Variants in RIT2 observed in about 807,000 individuals in gnomAD.
RIT2 encodes the protein Ras like without CAAX 2.
In RIT2, 24 loss-of-function variants were observed where a neutral mutation model predicts 23.7. The observed-to-expected ratio is 1.01, with a 90% CI of 0.73 to 1.43. The LOEUF is 1.43. RIT2 is among the 40% of genes most tolerant of loss of function. The pLI is 0.00. For missense variants in RIT2, 236 were observed against 266.9 expected, an observed-to-expected ratio of 0.88 and a Z score of 0.81; for synonymous variants, 107 against 91.1, an observed-to-expected ratio of 1.17 and a Z score of -0.99.
chr18:43,077,134 C>G (rs1341697549), intron 1 of RIT2, among the ~76,000 whole-genome samples: 1 of 140,826 alleles, frequency 7.1e-6, no homozygotes, highest in East Asian at 2.4e-4. Flanking sequence ...GGCTCAAACA[C>G]AAGCCTCAGT....
intron 4 of RIT2, among the ~76,000 whole-genome samples, chr18:42,757,279 T>C (rs1913185937): frequency 6.6e-6 from 1 of 152,196 alleles, no homozygotes; most frequent in Admixed American, 6.5e-5. Flanking sequence ...ATTACATATG[T>C]TGTCAGGTTA....
chr18:42,748,584 A>G (rs1212321861), intron 4 of RIT2, among the ~76,000 whole-genome samples: 3 of 152,136 alleles, frequency 2.0e-5, no homozygotes, highest in Non-Finnish European at 4.4e-5. Context: ...CAATGTCACT[A>G]CTGGGTATCT....
chr18:43,111,287 C>T (rs1913946889), intron 1 of RIT2, among the ~76,000 whole-genome samples: 1 of 151,906 alleles, frequency 6.6e-6, no homozygotes, highest in Admixed American at 6.6e-5. Flanking sequence ...ATGATGGCTA[C>T]CAGAGGCTGG....
chr18:42,909,039 C>T (rs763800078), intron 4 of RIT2, among the ~76,000 whole-genome samples: 1 of 152,098 alleles, frequency 6.6e-6, no homozygotes, highest in Non-Finnish European at 1.5e-5. Flanking sequence ...GTTTATAGCA[C>T]CACAATTCAC....
chr18:42,850,861 A>G (rs1482362373), intron 4 of RIT2, among the ~76,000 whole-genome samples: 1 of 152,114 alleles, frequency 6.6e-6, no homozygotes, highest in Non-Finnish European at 1.5e-5. Context: ...CATCTCTGAA[A>G]TTACTGTCAC....
At chr18:42,942,156 C>T (rs1909619478) in intron 3 of RIT2, among the ~76,000 whole-genome samples, 2 of 151,816 alleles carry the variant, frequency 1.3e-5, no homozygotes, top group Admixed American at 1.3e-4. Context: ...TGCCCTTTGC[C>T]TTTTCAAAGT....
At chr18:42,907,300 A>G (rs1267181984) in intron 4 of RIT2, among the ~76,000 whole-genome samples, 1 of 152,186 alleles carries the variant, frequency 6.6e-6, no homozygotes, top group East Asian at 1.9e-4. Flanking sequence ...AGCAAAAGGC[A>G]TAATATGGCG....
At chr18:42,825,034 T>C (rs1233498705) in intron 4 of RIT2, among the ~76,000 whole-genome samples, 4 of 151,998 alleles carry the variant, frequency 2.6e-5, no homozygotes, top group African/African-American at 7.2e-5. Flanking sequence ...ATATAACCAG[T>C]TCTACAATTT....
At position 42,967,035 on chromosome 18, in the gene RIT2, T is replaced by A. The variant is rs2144194304; in HGVS notation, c.234+7039A>T. ...ATAATCTAAATCCTTTCCCAATTGA[T>A]CAATATATGCACCATGTAAATCAAG... On this transcript the variant is annotated intron_variant, in intron 3 of 4. Coordinates refer to ENST00000326695, the MANE Select transcript of RIT2 (RefSeq NM_002930.4). Among the ~76,000 whole-genome samples the A allele has an allele frequency of 1.3e-5, 2 of 152,098 alleles. 1 individual carries two copies. The highest frequency in any genetic ancestry group is 4.2e-4 in the South Asian group (2 of 4,818).
chr18:42,846,907 C>A (rs1598680549), intron 4 of RIT2, among the ~76,000 whole-genome samples: 1 of 151,964 alleles, frequency 6.6e-6, no homozygotes, highest in African/African-American at 2.4e-5. Flanking sequence ...TAACATTTTA[C>A]CAGAGTGTTA....
chr18:42,990,915 T>TG lies in RIT2; in HGVS notation c.161-16769_161-16768insC, dbSNP rs1555650890. The stretch of plus-strand genomic sequence containing the variant: ...CCTATTATGCTACACTGGTTTTGTT[T>TG]TTTTTTTTTTTTTTTTAAAGACTAA... On this transcript the variant is annotated intron_variant, in intron 2 of 4. Coordinates refer to ENST00000326695, the MANE Select transcript of RIT2 (RefSeq NM_002930.4). Among the ~76,000 whole-genome samples the TG allele has an allele frequency of 6.8e-3, 1,014 of 148,306 alleles. 13 individuals carry two copies. Among genetic ancestry groups the TG allele is most frequent in the African/African-American group, 0.024 (960 of 39,386 alleles).
intron 1 of RIT2, among the ~76,000 whole-genome samples, chr18:43,058,831 G>A (rs1369189710): frequency 1.3e-5 from 2 of 152,132 alleles, no homozygotes; most frequent in Non-Finnish European, 2.9e-5. Flanking sequence ...CGAGACTGCA[G>A]TGAGTTGTAA....
At position 42,950,899 on chromosome 18, in the gene RIT2, CAA is replaced by C. The variant is rs546311282; in HGVS notation, c.234+23173_234+23174del. Reference sequence around the variant, plus strand: ...GTCAGAATGGCTATTATTAAAACATCAAAAAAAAAAAAAAATAACAGATGCTG... The same window carrying C: ...GTCAGAATGGCTATTATTAAAACATCAAAAAAAAAAAAATAACAGATGCTG... On this transcript the variant is annotated intron_variant, in intron 3 of 4. Coordinates refer to ENST00000326695, the MANE Select transcript of RIT2 (RefSeq NM_002930.4). 2.9e-3 allele frequency among the ~76,000 whole-genome samples: 375 copies of C among 129,792 alleles called. 2 individuals carry two copies. The highest frequency in any genetic ancestry group is 9.4e-3 in the African/African-American group (337 of 36,002). 85.1% of individuals were successfully genotyped at this position (129,792 alleles called of 152,430 possible).
At chr18:42,915,051 T>C (rs1235174477) in intron 4 of RIT2, among the ~76,000 whole-genome samples, 1 of 151,906 alleles carries the variant, frequency 6.6e-6, no homozygotes, top group Non-Finnish European at 1.5e-5. Flanking sequence ...CTAGTGCTCC[T>C]GATTCTGAGT....
At chr18:42,938,951 A>G (rs1424155727) in intron 3 of RIT2, among the ~76,000 whole-genome samples, 1 of 151,928 alleles carries the variant, frequency 6.6e-6, no homozygotes, top group African/African-American at 2.4e-5. Flanking sequence ...TCACTATGTT[A>G]CCCAAGCTGG....
chr18:42,780,543 G>T (rs1445521200), intron 4 of RIT2, among the ~76,000 whole-genome samples: 2 of 152,106 alleles, frequency 1.3e-5, no homozygotes, highest in Non-Finnish European at 2.9e-5. Context: ...CCCTGTAAGA[G>T]ACTTTTGCAG....
chr18:42,899,580 A>T (rs1908421866), intron 4 of RIT2, among the ~76,000 whole-genome samples: 1 of 151,934 alleles, frequency 6.6e-6, no homozygotes, highest in African/African-American at 2.4e-5. Flanking sequence ...TGAGAGCTAT[A>T]GTGATTACCT....
intron 4 of RIT2, among the ~76,000 whole-genome samples, chr18:42,814,531 C>T (rs1208384686): frequency 6.6e-6 from 1 of 152,080 alleles, no homozygotes; most frequent in Non-Finnish European, 1.5e-5. Flanking sequence ...ACCTGGGAAC[C>T]TCACCCCCAT....
intron 4 of RIT2, among the ~76,000 whole-genome samples, chr18:42,864,403 T>C (rs1039137782): frequency 1.2e-4 from 19 of 152,204 alleles, no homozygotes; most frequent in Admixed American, 6.5e-5. Flanking sequence ...CTGTTGTTGT[T>C]ATCATTAATA....
Sources: allele counts gnomAD v4.1 joint callset (sites outside exome capture counted in the v4.1 genomes callset), GRCh38; gene constraint gnomAD v4.1.1; transcripts MANE v1.5; gene names NCBI Gene and HGNC (gene_info 2026-07-23, HGNC 2026-07-21).